The following GRID1 variants were observed in gnomAD, a reference collection of about 807,000 sequenced individuals.
GRID1 encodes glutamate ionotropic receptor delta type subunit 1, also known as glutamate receptor ionotropic, delta-1.
In GRID1, 28 loss-of-function variants were observed where a neutral mutation model predicts 98.0. That is an observed-to-expected ratio of 0.29 (90% CI 0.21 to 0.39). GRID1 has a LOEUF of 0.39. Among genes scored for constraint, GRID1 ranks in the 10% least tolerant of loss-of-function variants. GRID1 has a pLI of 1.00. For synonymous variants in GRID1, 553 were observed against 538.5 expected (o/e 1.03, Z -0.37); for missense variants, 1,111 against 1,340.5 (o/e 0.83, Z 2.67).
chr10:86,152,860 G>A (rs1333345103), intron 3 of GRID1, among the ~76,000 whole-genome samples: 1 of 152,222 alleles, frequency 6.6e-6, no homozygotes, highest in Non-Finnish European at 1.5e-5. Context: ...TGACAGGGAG[G>A]CTTCTGCCTT....
chr10:86,315,031 G>C (rs1324030111), intron 2 of GRID1, among the ~76,000 whole-genome samples: 1 of 152,032 alleles, frequency 6.6e-6, no homozygotes, highest in African/African-American at 2.4e-5. Context: ...GCTGGCATCC[G>C]ATCCTGTTGT....
At chr10:86,200,769 A>C (rs1297609136) in intron 3 of GRID1, among the ~76,000 whole-genome samples, 3 of 152,258 alleles carry the variant, frequency 2.0e-5, no homozygotes, top group Non-Finnish European at 4.4e-5. Flanking sequence ...AAAAAAATCA[A>C]CTACAAACAG....
Position 85,887,347 on chromosome 10 carries a change from C to T in GRID1, c.781-18167G>A, listed in dbSNP as rs12265926. Among the ~76,000 whole-genome samples, 580 of 152,296 alleles carry T rather than the reference C, an allele frequency of 3.8e-3. 3 individuals carry two copies. The highest frequency in any genetic ancestry group is 0.013 in the African/African-American group (550 of 41,568). On this transcript the variant is annotated intron_variant, in intron 5 of 15. Transcript: ENST00000327946. ...TCTGAGTAGTCATCCTGACCAGAGGCACATCATCTCATTAGCTGCCCCCTA... is the reference window on the plus strand; with the variant it reads ...TCTGAGTAGTCATCCTGACCAGAGGTACATCATCTCATTAGCTGCCCCCTA...
In GRID1 at chr10:85,968,670, A is replaced by T. The variant is rs574253995; in HGVS notation, c.727-52431T>A. Among the ~76,000 whole-genome samples the T allele has an allele frequency of 1.5e-3, 230 of 152,250 alleles. 1 individual carries two copies. The highest frequency in any genetic ancestry group is 5.1e-3 in the African/African-American group (212 of 41,540). On this transcript the variant is annotated intron_variant, in intron 4 of 15. Coordinates refer to ENST00000327946, the MANE Select transcript of GRID1 (RefSeq NM_017551.3). ...AGGTAACATGTTAATTGTAATTCCC[A>T]GGGCAACCACCACAAAAATAACTAA...
At chr10:86,178,987 A>T (rs561432778) in intron 3 of GRID1, among the ~76,000 whole-genome samples, 14 of 152,060 alleles carry the variant, frequency 9.2e-5, no homozygotes, top group African/African-American at 3.1e-4. Flanking sequence ...TGGGGCTAAT[A>T]GGAGAGCTGG....
chr10:86,278,836 C>T (rs1410198271), intron 2 of GRID1, among the ~76,000 whole-genome samples: 1 of 152,146 alleles, frequency 6.6e-6, no homozygotes, highest in Non-Finnish European at 1.5e-5. Context: ...TGAATTCTAC[C>T]ACATGTTTAA....
intron 2 of GRID1, among the ~76,000 whole-genome samples, chr10:86,264,245 G>A (rs1191091367): frequency 1.3e-5 from 2 of 152,114 alleles, no homozygotes; most frequent in Non-Finnish European, 2.9e-5. Flanking sequence ...CCCCACTCTG[G>A]AGCCTGGCCA....
intron 4 of GRID1, among the ~76,000 whole-genome samples, chr10:86,042,993 A>T (rs958957983): frequency 6.6e-6 from 1 of 152,062 alleles, no homozygotes; most frequent in African/African-American, 2.4e-5. Context: ...GCTGAGGTGG[A>T]AGGATCCCTT....
chr10:86,065,701 T>C (rs559957884), intron 4 of GRID1, among the ~76,000 whole-genome samples: 34 of 152,328 alleles, frequency 2.2e-4, no homozygotes, highest in African/African-American at 5.8e-4. Flanking sequence ...CCCCTCTAAT[T>C]TGGAGCAGCA....
intron 7 of GRID1, 143 bp downstream of exon 7, chr10:85,855,886 T>C: frequency 1.5e-6 from 1 of 679,844 alleles, no homozygotes; most frequent in Non-Finnish European, 2.6e-6. Flanking sequence ...ACAGGAAGAG[T>C]GACAAGGAGA....
At chr10:86,348,785 C>T (rs191251698) in intron 2 of GRID1, among the ~76,000 whole-genome samples, 49 of 152,368 alleles carry the variant, frequency 3.2e-4, no homozygotes, top group African/African-American at 1.1e-3. Context: ...CCGATCAGTG[C>T]GTACTGAGAC....
intron 5 of GRID1, among the ~76,000 whole-genome samples, chr10:85,888,840 G>A (rs1052028269): frequency 2.8e-4 from 43 of 151,700 alleles, no homozygotes; most frequent in South Asian, 2.1e-4. Flanking sequence ...TCCTGCTTCT[G>A]CCATAGAAAA....
intron 8 of GRID1, among the ~76,000 whole-genome samples, chr10:85,777,640 T>G (rs1842344369): frequency 6.6e-6 from 1 of 152,262 alleles, no homozygotes; most frequent in African/African-American, 2.4e-5. Context: ...CATGATTTCA[T>G]GTAAAAGGAA....
At chr10:86,098,893 T>C (rs1844256874) in intron 4 of GRID1, among the ~76,000 whole-genome samples, 2 of 152,262 alleles carry the variant, frequency 1.3e-5, no homozygotes, top group African/African-American at 2.4e-5. Flanking sequence ...GTCACACTTC[T>C]GCTACAACTC....
At chr10:86,308,782 C>T (rs887826756) in intron 2 of GRID1, among the ~76,000 whole-genome samples, 7 of 152,118 alleles carry the variant, frequency 4.6e-5, no homozygotes, top group African/African-American at 7.2e-5. Flanking sequence ...TAGCAGAAGG[C>T]GGAAGGCACA....
intron 4 of GRID1, among the ~76,000 whole-genome samples, chr10:85,992,619 G>GGA (rs1038262699): frequency 6.6e-6 from 1 of 151,732 alleles, no homozygotes; most frequent in African/African-American, 2.4e-5. Flanking sequence ...GAGAGGTGGG[G>GGA]GGGGAACAAA....
chr10:85,858,658 T>A (rs1475647528), intron 6 of GRID1, among the ~76,000 whole-genome samples: 3 of 152,176 alleles, frequency 2.0e-5, no homozygotes, highest in Non-Finnish European at 4.4e-5. Flanking sequence ...CCCAAGAGAA[T>A]AACTTGAAGC....
At chr10:86,256,362 G>A (rs1338083189) in intron 2 of GRID1, among the ~76,000 whole-genome samples, 1 of 152,192 alleles carries the variant, frequency 6.6e-6, no homozygotes, top group Admixed American at 6.5e-5. Context: ...CATTTCAGGA[G>A]GCTGAGGTGG....
chr10:85,882,356 A>G (rs1024824847), intron 5 of GRID1, among the ~76,000 whole-genome samples: 123 of 152,338 alleles, frequency 8.1e-4, no homozygotes, highest in African/African-American at 2.8e-3. Flanking sequence ...CACAATAGCA[A>G]AGACTTGGAA....
Sources: allele counts gnomAD v4.1 joint callset (sites outside exome capture counted in the v4.1 genomes callset), GRCh38; gene constraint gnomAD v4.1.1; transcripts MANE v1.5; gene names NCBI Gene and HGNC (gene_info 2026-07-23, HGNC 2026-07-21).